Variants in EML2 observed in about 807,000 individuals in gnomAD.
EML2 encodes echinoderm microtubule-associated protein-like 2.
Under a neutral mutation model 84.7 loss-of-function variants are expected in EML2, and 59 were observed. The ratio of observed to expected loss-of-function variants is 0.70; its 90% CI spans 0.56 to 0.86. The LOEUF is 0.86. Ranked by LOEUF, EML2 falls within the 40% of genes least tolerant of loss-of-function variation. EML2 has a pLI of 0.00. For missense variants in EML2, 818 were observed against 855.6 expected, an observed-to-expected ratio of 0.96 and a Z score of 0.55; for synonymous variants, 352 against 348.9, an observed-to-expected ratio of 1.01 and a Z score of -0.10.
intron 18 of EML2, among the ~76,000 whole-genome samples, chr19:45,611,575 T>A (rs529716588): frequency 3.2e-4 from 48 of 152,000 alleles, no homozygotes; most frequent in African/African-American, 9.2e-4. Context: ...AACCTCCGCC[T>A]CCCAAGTTCA....
chr19:45,630,536 T>C (rs1378219107), intron 6 of EML2, among the ~76,000 whole-genome samples: 1 of 122,134 alleles, frequency 8.2e-6, no homozygotes, highest in Non-Finnish European at 1.6e-5. Context: ...TGGGTGACAG[T>C]GAGAGACTCT....
chr19:45,642,093 C>T (rs1974575429), upstream of EML2: 3 of 1,458,702 alleles, frequency 2.1e-6, no homozygotes, highest in Non-Finnish European at 1.8e-6. Flanking sequence ...GGACCAGGCC[C>T]CGGTCCTCCC....
intron 11 of EML2, chr19:45,620,904 C>G: frequency 2.1e-6 from 1 of 475,320 alleles, no homozygotes; most frequent in South Asian, 1.7e-5. Flanking sequence ...AGGTGTGTGG[C>G]CAGGGTGTCT....
chr19:45,617,247 C>G (rs964401896), intron 13 of EML2, among the ~76,000 whole-genome samples: 8 of 151,064 alleles, frequency 5.3e-5, no homozygotes, highest in African/African-American at 1.7e-4. Context: ...CTCTGTCCCC[C>G]CAAAAAACAA....
chr19:45,611,416 A>C (rs1026029756), intron 18 of EML2, among the ~76,000 whole-genome samples: 1 of 152,096 alleles, frequency 6.6e-6, no homozygotes, highest in East Asian at 1.9e-4. Context: ...TGTCTCAAAA[A>C]AAAAAAAGAA....
At chr19:45,637,734 T>C (rs34251635) in intron 3 of EML2, among the ~76,000 whole-genome samples, 1 of 138,530 alleles carries the variant, frequency 7.2e-6, no homozygotes, top group Non-Finnish European at 1.5e-5. Context: ...CGGAAAGCAG[T>C]GGGGCAATCT....
At position 45,609,577 on chromosome 19, in the gene EML2, C is replaced by A; in HGVS notation, c.*86G>T. 22 of 1,194,508 alleles carry A rather than the reference C, an allele frequency of 1.8e-5. No homozygotes were observed. Among genetic ancestry groups the A allele is most frequent in the African/African-American group, 3.2e-5 (2 of 62,742 alleles). 74.0% of individuals were successfully genotyped at this position (1,194,508 alleles called of 1,614,324 possible). ...CATAACCCCCTCTGCTATAGACATACTCTGGGTATATATTACTCTACTCGG... is the reference window on the plus strand; with the variant it reads ...CATAACCCCCTCTGCTATAGACATAATCTGGGTATATATTACTCTACTCGG... On this transcript the variant is annotated 3_prime_UTR_variant, in exon 19 of 19. Coordinates refer to ENST00000245925, the MANE Select transcript of EML2 (RefSeq NM_012155.4).
chr19:45,645,420 A>T (rs1382392545), upstream of EML2: 1 of 1,465,796 alleles, frequency 6.8e-7, no homozygotes, highest in Non-Finnish European at 8.9e-7. Flanking sequence ...TCCCGTTGCC[A>T]TAGCAACGCC....
At chr19:45,635,282 G>T (rs562466580) in intron 3 of EML2, among the ~76,000 whole-genome samples, 9 of 152,166 alleles carry the variant, frequency 5.9e-5, no homozygotes, top group South Asian at 2.1e-4. Context: ...GGGACTACAG[G>T]CAGATGCCAT....
chr19:45,645,596 A>G, upstream of EML2: 1 of 703,836 alleles, frequency 1.4e-6, no homozygotes, highest in South Asian at 2.0e-5. Flanking sequence ...GGATCCCCCT[A>G]GGTACCGTCT....
chr19:45,626,588 C>T (rs1972356369), intron 8 of EML2, 117 bp downstream of exon 8: 2 of 1,196,008 alleles, frequency 1.7e-6, no homozygotes, highest in African/African-American at 3.0e-5. Context: ...CAGGCAACAT[C>T]TCAGCGTCCC....
At position 45,628,079 on chromosome 19, in the gene EML2, G is replaced by A. The variant is rs180714735; in HGVS notation, c.607-1240C>T. Among the ~76,000 whole-genome samples, 297 of 150,728 alleles carry A rather than the reference G, an allele frequency of 2.0e-3. 5 individuals are homozygous for A. The highest frequency in any genetic ancestry group is 9.6e-4 in the Non-Finnish European group (65 of 67,676). ...AAACTCCGTCTCACAAAAAAAGTGAGGCTCAGAGAGGGCCGGGTGTAGTGG... is the reference window on the plus strand; with the variant it reads ...AAACTCCGTCTCACAAAAAAAGTGAAGCTCAGAGAGGGCCGGGTGTAGTGG... On this transcript the variant is annotated intron_variant, in intron 7 of 18. Transcript: ENST00000245925.
intron 3 of EML2, 67 bp downstream of exon 3, chr19:45,638,438 C>T (rs576462329): frequency 1.9e-6 from 3 of 1,607,872 alleles, no homozygotes; most frequent in South Asian, 1.1e-5. Context: ...GCCTGAGCTG[C>T]CTTGACCGCC....
intron 3 of EML2, among the ~76,000 whole-genome samples, chr19:45,635,225 G>A (rs142712724): frequency 2.1e-3 from 323 of 151,816 alleles, no homozygotes; most frequent in South Asian, 0.014. Context: ...TGCAACCTCC[G>A]CCTCCTGGGT....
At chr19:45,645,550 C>T (rs1216627102), upstream of EML2, 4 of 1,084,862 alleles carry the variant, frequency 3.7e-6, no homozygotes, top group Admixed American at 3.3e-5. Context: ...TGCCAAGCCC[C>T]CCAACACAAT....
upstream of EML2, among the ~76,000 whole-genome samples, chr19:45,644,084 A>G (rs1974845231): frequency 6.6e-6 from 1 of 152,184 alleles, no homozygotes; most frequent in Non-Finnish European, 1.5e-5. Context: ...GAAAAATGGC[A>G]TCTGTTACTG....
upstream of EML2, chr19:45,645,482 C>T (rs1023148018): frequency 7.0e-5 from 98 of 1,406,294 alleles, no homozygotes; most frequent in Non-Finnish European, 8.5e-5. Context: ...CGGCCGGCGC[C>T]GGGCCCGGCG....
At chr19:45,643,786 G>T, upstream of EML2, 1 of 1,473,236 alleles carries the variant, frequency 6.8e-7, no homozygotes, top group South Asian at 1.3e-5. Flanking sequence ...AGGCTTGCCC[G>T]CCCTGCCCCC....
upstream of EML2, chr19:45,642,412 C>A: frequency 6.7e-7 from 1 of 1,497,290 alleles, no homozygotes; most frequent in South Asian, 1.3e-5. Context: ...CCCAAGGGGT[C>A]CCTCCCGCCT....
Sources: allele counts gnomAD v4.1 joint callset (sites outside exome capture counted in the v4.1 genomes callset), GRCh38; gene constraint gnomAD v4.1.1; transcripts MANE v1.5; gene names NCBI Gene and HGNC (gene_info 2026-07-23, HGNC 2026-07-21).